EPM2A: variants seen among roughly 807,000 people sequenced by gnomAD.
The protein encoded by EPM2A is EPM2A glucan phosphatase, laforin.
A neutral mutation model predicts 26.5 loss-of-function variants in EPM2A; 21 were observed. That is an observed-to-expected ratio of 0.79 (90% CI 0.56 to 1.14). The LOEUF is 1.14. Among genes scored for constraint, EPM2A ranks in the 50% most tolerant of loss-of-function variants. EPM2A has a pLI of 0.00. For missense variants in EPM2A, 458 were observed against 440.8 expected (o/e 1.04, Z -0.35); for synonymous variants, 217 against 177.6 (o/e 1.22, Z -1.76).
chr6:145,608,101 C>T (rs1465991845), intron 2 of EPM2A, among the ~76,000 whole-genome samples: 7 of 152,138 alleles, frequency 4.6e-5, no homozygotes, highest in Admixed American at 1.3e-4. Context: ...CAATTTTCCA[C>T]ACAAAAAGAT....
chr6:145,628,511 T>C (rs773945212), intron 3 of EPM2A: 1 of 152,266 alleles, frequency 6.6e-6, no homozygotes, highest in Non-Finnish European at 1.5e-5. Flanking sequence ...TTTCTCCTGC[T>C]CACAGGTTCT....
At chr6:145,404,835 CTGGTTTA>C (rs1294101958) in intron 4 of EPM2A, among the ~76,000 whole-genome samples, 1 of 152,034 alleles carries the variant, frequency 6.6e-6, no homozygotes, top group East Asian at 1.9e-4. Flanking sequence ...CTGCAGGAAG[CTGGTTTA>C]AATATAGTGG....
intron 4 of EPM2A, among the ~76,000 whole-genome samples, chr6:145,398,070 T>C (rs1778430137): frequency 6.6e-6 from 1 of 150,978 alleles, no homozygotes; most frequent in Non-Finnish European, 1.5e-5. Context: ...TATTTTCTAA[T>C]TGTTTTAATT....
chr6:145,735,382 G>C lies in EPM2A; in HGVS notation c.117C>G (p.Arg39=). Residue 39 remains arginine, a synonymous_variant, in exon 1 of 4, where the codon CGC becomes CGG. Coordinates refer to ENST00000367519, the MANE Select transcript of EPM2A (RefSeq NM_005670.4). ...CCGCCGCGGTGCCGGCCGGCCTCAG[G>C]CGGACGGCACCGCGCGGCTCCCAAC... ...LGRWEPRGAV[R]LRPAGTAAGD... is the part of the protein sequence containing the mutation. 1 of 1,217,920 alleles carries C rather than the reference G, an allele frequency of 8.2e-7. No homozygotes were observed. The highest frequency in any genetic ancestry group is 1.0e-6 in the Non-Finnish European group (1 of 980,848). The allele number at this position is 1,217,920 out of a possible 1,614,324, so 75.4% of individuals were successfully genotyped here.
chr6:145,407,031 C>T (rs777050570), intron 4 of EPM2A, among the ~76,000 whole-genome samples: 18 of 152,090 alleles, frequency 1.2e-4, no homozygotes, highest in Non-Finnish European at 2.2e-4. Flanking sequence ...AATGCAGGAT[C>T]GTGCCTCGTG....
At chr6:145,510,863 GA>G (rs142800370) in intron 2 of EPM2A, among the ~76,000 whole-genome samples, 12,196 of 151,886 alleles carry the variant, frequency 0.08, 576 homozygotes, top group East Asian at 0.17. Context: ...TAGATTAACA[GA>G]AAAAAAGAAC....
intron 2 of EPM2A, among the ~76,000 whole-genome samples, chr6:145,661,716 T>C (rs1489299975): frequency 6.6e-6 from 1 of 152,232 alleles, no homozygotes; most frequent in Non-Finnish European, 1.5e-5. Flanking sequence ...TTACTCTACT[T>C]GATTTATCCC....
downstream of EPM2A, among the ~76,000 whole-genome samples, chr6:145,623,645 G>A (rs1457980493): frequency 6.6e-6 from 1 of 152,282 alleles, no homozygotes; most frequent in African/African-American, 2.4e-5. Context: ...TTTAAACACA[G>A]GAGTGACAAG....
At chr6:145,390,422 T>C (rs781660336) in intron 4 of EPM2A, among the ~76,000 whole-genome samples, 1 of 152,146 alleles carries the variant, frequency 6.6e-6, no homozygotes, top group Non-Finnish European at 1.5e-5. Flanking sequence ...GTACCCTTCA[T>C]GGCATAAACT....
intron 2 of EPM2A, among the ~76,000 whole-genome samples, chr6:145,683,769 C>G (rs1284041607): frequency 6.6e-6 from 1 of 152,120 alleles, no homozygotes; most frequent in Non-Finnish European, 1.5e-5. Flanking sequence ...TCAGAGTCTG[C>G]TGAGAAAGAT....
chr6:145,440,345 G>A (rs1044980093), intron 4 of EPM2A, among the ~76,000 whole-genome samples: 5 of 152,150 alleles, frequency 3.3e-5, no homozygotes, highest in African/African-American at 1.2e-4. Flanking sequence ...CTTCCACTGA[G>A]TCCCTCTCAC....
At chr6:145,467,517 T>A (rs1433028658) in intron 4 of EPM2A, among the ~76,000 whole-genome samples, 9 of 152,156 alleles carry the variant, frequency 5.9e-5, no homozygotes, top group Admixed American at 2.6e-4. Flanking sequence ...ACACTATGTA[T>A]TTTTTAATGA....
Position 145,604,154 on chromosome 6 carries a change from T to G in EPM2A, c.340+31091A>C, listed in dbSNP as rs9497367. On this transcript the variant is annotated intron_variant, in intron 2 of 3. Coordinates refer to the EPM2A transcript ENST00000450221. ...GTTTGTTCAGTGAAGCCAACTTGAA[T>G]AGCCATTAAAAAGTTTATGCTCTTT... Among the ~76,000 whole-genome samples the G allele has an allele frequency of 5.2e-3, 794 of 152,244 alleles. 4 individuals carry two copies. Among genetic ancestry groups the G allele is most frequent in the African/African-American group, 0.018 (760 of 41,556 alleles).
At chr6:145,414,877 T>C (rs1562325882) in intron 4 of EPM2A, among the ~76,000 whole-genome samples, 1 of 152,228 alleles carries the variant, frequency 6.6e-6, no homozygotes. Flanking sequence ...TTATTTAGTG[T>C]CTTATTCTAG....
chr6:145,476,700 C>T (rs1356172263), intron 4 of EPM2A, among the ~76,000 whole-genome samples: 1 of 151,910 alleles, frequency 6.6e-6, no homozygotes, highest in Admixed American at 6.6e-5. Flanking sequence ...CCTGAATGAC[C>T]AGTGGGTCAC....
At chr6:145,603,450 C>T (rs1781442933) in intron 2 of EPM2A, among the ~76,000 whole-genome samples, 1 of 152,100 alleles carries the variant, frequency 6.6e-6, no homozygotes, top group South Asian at 2.1e-4. Context: ...AGTTTTATTG[C>T]ACATTTTTAT....
chr6:145,491,937 CA>C, intron 4 of EPM2A: 1 of 470,266 alleles, frequency 2.1e-6, no homozygotes, highest in South Asian at 1.7e-5. Flanking sequence ...TGCAAGCAGC[CA>C]AAAGAGCCTT....
chr6:145,409,530 A>G (rs1002626717), intron 4 of EPM2A, among the ~76,000 whole-genome samples: 1 of 152,208 alleles, frequency 6.6e-6, no homozygotes, highest in Non-Finnish European at 1.5e-5. Context: ...GAAGTGTTCT[A>G]TGCTTGAGGA....
chr6:145,494,887 G>T (rs1392472110), intron 4 of EPM2A, among the ~76,000 whole-genome samples: 5 of 152,138 alleles, frequency 3.3e-5, no homozygotes, highest in African/African-American at 1.2e-4. Flanking sequence ...TTCTGCATTT[G>T]CTGAGAAGTG....
Sources: gnomAD v4.1 joint callset for allele counts (sites outside exome capture counted in the v4.1 genomes callset) on GRCh38, gnomAD v4.1.1 for gene constraint, MANE v1.5 for transcripts, NCBI Gene and HGNC (gene_info 2026-07-23, HGNC 2026-07-21) for gene names.